The following PPP2R2B variants were observed in gnomAD, a reference collection of about 807,000 sequenced individuals.
PPP2R2B encodes protein phosphatase 2 regulatory subunit Bbeta.
In PPP2R2B, 5 loss-of-function variants were observed where a neutral mutation model predicts 46.0. The ratio of observed to expected loss-of-function variants is 0.11; its 90% CI spans 0.06 to 0.23. PPP2R2B has a LOEUF of 0.23. Ranked by LOEUF, PPP2R2B falls within the 10% of genes least tolerant of loss-of-function variation. The probability of loss-of-function intolerance (pLI) is 1.00; values close to 1 mark genes in which losing one functional copy is unlikely to be tolerated. For missense variants in PPP2R2B, 367 were observed against 575.0 expected (o/e 0.64, Z 3.70); for synonymous variants, 215 against 206.7 (o/e 1.04, Z -0.34).
intron 4 of PPP2R2B, among the ~76,000 whole-genome samples, chr5:146,696,229 G>A (rs939221510): frequency 6.6e-6 from 1 of 151,366 alleles, no homozygotes. Flanking sequence ...TCAGCCTCCC[G>A]AGTAGCCAGG....
chr5:146,641,518 TTTTTTTTTTTTG>T, intron 6 of PPP2R2B, among the ~76,000 whole-genome samples: 1 of 150,326 alleles, frequency 6.7e-6, no homozygotes, highest in African/African-American at 2.5e-5. Context: ...TTTTTTTTTT[TTTTTTTTTTTTG>T]AAGCAGAATT....
intron 1 of PPP2R2B, among the ~76,000 whole-genome samples, chr5:146,934,131 GC>G (rs1403093259): frequency 6.6e-6 from 1 of 151,998 alleles, no homozygotes; most frequent in Non-Finnish European, 1.5e-5. Flanking sequence ...GAATAATGCT[GC>G]AATAAATATA....
intron 1 of PPP2R2B, among the ~76,000 whole-genome samples, chr5:146,892,257 A>C (rs373420073): frequency 2.0e-5 from 3 of 152,230 alleles, no homozygotes; most frequent in African/African-American, 7.2e-5. Flanking sequence ...CTATGAGCAA[A>C]TTCTCTTAAC....
At chr5:146,631,407 G>C (rs560130863) in intron 7 of PPP2R2B, among the ~76,000 whole-genome samples, 2 of 152,224 alleles carry the variant, frequency 1.3e-5, no homozygotes, top group African/African-American at 4.8e-5. Context: ...CTGCATTCAT[G>C]GTGAGATTAT....
chr5:146,659,862 C>G (rs1475749633), intron 5 of PPP2R2B, among the ~76,000 whole-genome samples: 1 of 152,114 alleles, frequency 6.6e-6, no homozygotes, highest in East Asian at 1.9e-4. Context: ...GAAAAATGGT[C>G]CATTCTGAAA....
intron 1 of PPP2R2B, among the ~76,000 whole-genome samples, chr5:146,940,532 C>T (rs1165421077): frequency 6.6e-6 from 1 of 151,364 alleles, no homozygotes; most frequent in Non-Finnish European, 1.5e-5. Context: ...AAACATAAGG[C>T]TACTGCCCAA....
At chr5:147,078,682 C>T (rs1293280204) in intron 2 of PPP2R2B, among the ~76,000 whole-genome samples, 2 of 151,826 alleles carry the variant, frequency 1.3e-5, no homozygotes, top group Non-Finnish European at 2.9e-5. Context: ...TTGGTGGGTG[C>T]CTGTAGTCTC....
At chr5:146,636,548 G>GAGCAC (rs1774835710) in intron 7 of PPP2R2B, among the ~76,000 whole-genome samples, 1 of 152,182 alleles carries the variant, frequency 6.6e-6, no homozygotes, top group South Asian at 2.1e-4. Flanking sequence ...GGCCAACCCA[G>GAGCAC]AGCACATGGG....
At chr5:146,859,738 G>A (rs774496987) in intron 2 of PPP2R2B, among the ~76,000 whole-genome samples, 63 of 152,194 alleles carry the variant, frequency 4.1e-4, no homozygotes, top group Admixed American at 3.1e-3. Context: ...AAACTACCAT[G>A]TAAATGAACA....
At chr5:146,942,689 A>G (rs1764357987) in intron 1 of PPP2R2B, among the ~76,000 whole-genome samples, 1 of 152,166 alleles carries the variant, frequency 6.6e-6, no homozygotes, top group Non-Finnish European at 1.5e-5. Flanking sequence ...GATTACAAGT[A>G]TTAGTATGAT....
intron 2 of PPP2R2B, among the ~76,000 whole-genome samples, chr5:147,077,330 C>A (rs1757819893): frequency 6.7e-6 from 1 of 149,860 alleles, no homozygotes; most frequent in African/African-American, 2.5e-5. Flanking sequence ...ACACCCCTAG[C>A]CCTTATAGCC....
chr5:146,655,670 C>T (rs1351705981), intron 5 of PPP2R2B, among the ~76,000 whole-genome samples: 1 of 152,228 alleles, frequency 6.6e-6, no homozygotes, highest in Admixed American at 6.5e-5. Context: ...CACTCCTTGA[C>T]TCAGGAGTCT....
intron 1 of PPP2R2B, among the ~76,000 whole-genome samples, chr5:146,960,514 T>C (rs1028980543): frequency 1.3e-5 from 2 of 152,224 alleles, no homozygotes; most frequent in East Asian, 1.9e-4. Context: ...GGTCTCAAAC[T>C]CCTGAACTCG....
chr5:146,804,384 C>G (rs1293391591), intron 2 of PPP2R2B, among the ~76,000 whole-genome samples: 1 of 152,128 alleles, frequency 6.6e-6, no homozygotes, highest in African/African-American at 2.4e-5. Context: ...CTACTAGCAT[C>G]TGGCAGACCC....
chr5:146,919,459 A>T lies in PPP2R2B; in HGVS notation c.79+136206T>A, dbSNP rs532943819. On this transcript the variant is annotated intron_variant, in intron 1 of 8. Transcript: ENST00000336640. The stretch of plus-strand genomic sequence containing the variant: ...TGGATAACAGGCAACCTATAGCTAC[A>T]GCTGTTAGTCCTTCCCACAGATCAA... 2.6e-5 allele frequency: 4 copies of T among 152,328 alleles called. No individual in the cohort carries two copies. In the South Asian group the frequency reaches 8.3e-4, roughly 32 times the overall value. 9.4% of individuals were successfully genotyped at this position (152,328 alleles called of 1,614,324 possible). A position where few individuals can be genotyped will look rare whatever the true frequency, so the allele number is the denominator to read the frequency against.
intron 1 of PPP2R2B, among the ~76,000 whole-genome samples, chr5:147,008,191 T>C (rs1055237910): frequency 3.9e-5 from 6 of 152,092 alleles, no homozygotes; most frequent in African/African-American, 1.2e-4. Context: ...AGGGAAGCCA[T>C]GGTTTGTGTA....
chr5:146,672,589 C>G (rs1296615729), intron 5 of PPP2R2B, among the ~76,000 whole-genome samples: 2 of 152,070 alleles, frequency 1.3e-5, no homozygotes, highest in Non-Finnish European at 2.9e-5. Flanking sequence ...CATTATCTAT[C>G]CCAACACAGA....
At chr5:146,710,135 A>T (rs1474799830) in intron 2 of PPP2R2B, among the ~76,000 whole-genome samples, 1 of 152,192 alleles carries the variant, frequency 6.6e-6, no homozygotes, top group Non-Finnish European at 1.5e-5. Context: ...CCATTCAGAT[A>T]TGAAAGCAGC....
chr5:146,802,678 A>G (rs1482170053), intron 2 of PPP2R2B, among the ~76,000 whole-genome samples: 1 of 152,178 alleles, frequency 6.6e-6, no homozygotes, highest in Admixed American at 6.5e-5. Context: ...ATTTCCTACA[A>G]GTAGGGTTTT....
Sources: allele counts gnomAD v4.1 joint callset (sites outside exome capture counted in the v4.1 genomes callset), GRCh38; gene constraint gnomAD v4.1.1; transcripts MANE v1.5; gene names NCBI Gene and HGNC (gene_info 2026-07-23, HGNC 2026-07-21).